Variants in C8orf34 observed in about 807,000 individuals in gnomAD.
C8orf34 encodes the protein uncharacterized protein C8orf34.
Under a neutral mutation model 68.3 loss-of-function variants are expected in C8orf34, and 65 were observed. That is an observed-to-expected ratio of 0.95 (90% CI 0.78 to 1.17). The LOEUF (loss-of-function observed/expected upper bound fraction) is 1.17, where lower values mean the gene tolerates loss of function less well. Ranked by LOEUF, C8orf34 falls within the 50% of genes most tolerant of loss-of-function variation. The pLI is 0.00. For missense variants in C8orf34, 664 were observed against 655.4 expected (o/e 1.01, Z -0.14); for synonymous variants, 244 against 241.2 (o/e 1.01, Z -0.11).
chr8:68,411,278 T>G (rs1294640820), intron 1 of C8orf34, among the ~76,000 whole-genome samples: 1 of 152,332 alleles, frequency 6.6e-6, no homozygotes, highest in Non-Finnish European at 1.5e-5. Context: ...CTAAGTAGTA[T>G]TTCTGGTCTT....
chr8:68,433,236 A>C (rs1213031122), intron 1 of C8orf34, among the ~76,000 whole-genome samples: 2 of 152,178 alleles, frequency 1.3e-5, no homozygotes, highest in Non-Finnish European at 2.9e-5. Context: ...ATTTAGAGTA[A>C]ATAAATTCAG....
chr8:68,399,971 T>C (rs1042132740), intron 1 of C8orf34, among the ~76,000 whole-genome samples: 1 of 152,182 alleles, frequency 6.6e-6, no homozygotes, highest in African/African-American at 2.4e-5. Context: ...TTGAAAAATG[T>C]ATATTCATGT....
intron 8 of C8orf34, among the ~76,000 whole-genome samples, chr8:68,647,385 A>C (rs553459121): frequency 6.6e-6 from 1 of 152,332 alleles, no homozygotes; most frequent in Non-Finnish European, 1.5e-5. Context: ...AAAAGCGTGG[A>C]GTTTCTGTAG....
chr8:68,534,641 G>A (rs749748628), intron 7 of C8orf34: 1 of 985,542 alleles, frequency 1.0e-6, no homozygotes, highest in Non-Finnish European at 1.2e-6. Flanking sequence ...AGCAGGTGGG[G>A]TGTGGTCATT....
At chr8:68,346,471 T>G (rs1466207832) in intron 1 of C8orf34, among the ~76,000 whole-genome samples, 14 of 152,068 alleles carry the variant, frequency 9.2e-5, no homozygotes, top group African/African-American at 3.4e-4. Context: ...AGTCTGTAGT[T>G]TACAGTAGGG....
At chr8:68,450,932 A>T (rs371193500) in intron 3 of C8orf34, among the ~76,000 whole-genome samples, 39 of 152,258 alleles carry the variant, frequency 2.6e-4, no homozygotes, top group African/African-American at 8.9e-4. Context: ...CTCTCTAGCT[A>T]TGAAAGTCCT....
At chr8:68,453,610 A>G (rs1368196249) in intron 3 of C8orf34, among the ~76,000 whole-genome samples, 2 of 151,872 alleles carry the variant, frequency 1.3e-5, no homozygotes, top group East Asian at 3.9e-4. Flanking sequence ...TGATTTTTGT[A>G]TTTTGATTTT....
At chr8:68,349,257 G>C (rs1806408591) in intron 1 of C8orf34, among the ~76,000 whole-genome samples, 1 of 151,964 alleles carries the variant, frequency 6.6e-6, no homozygotes, top group South Asian at 2.1e-4. Flanking sequence ...CTTTAGTTCT[G>C]TTTATGTGAT....
intron 8 of C8orf34, among the ~76,000 whole-genome samples, chr8:68,701,084 C>CAGTGAAATATAATATCATAATATTCTA (rs1821002882): frequency 6.6e-6 from 1 of 151,976 alleles, no homozygotes; most frequent in Non-Finnish European, 1.5e-5. Context: ...ATTTATTTTG[C>CAGTGAAATATAATATCATAATATTCTA]AGTGAAATAT....
intron 7 of C8orf34, among the ~76,000 whole-genome samples, chr8:68,632,349 T>C (rs1389950767): frequency 6.6e-6 from 1 of 152,126 alleles, no homozygotes; most frequent in Non-Finnish European, 1.5e-5. Context: ...CAGCAAAGCA[T>C]TCAAGAAGTG....
chr8:68,416,815 T>C (rs1809691240), intron 1 of C8orf34, among the ~76,000 whole-genome samples: 1 of 152,078 alleles, frequency 6.6e-6, no homozygotes, highest in Non-Finnish European at 1.5e-5. Flanking sequence ...ACAGGCATGA[T>C]GCATCATGCC....
At chr8:68,776,480 C>A (rs1393228445) in intron 11 of C8orf34, 31 bp downstream of exon 11, 1 of 1,567,008 alleles carries the variant, frequency 6.4e-7, no homozygotes, top group Non-Finnish European at 8.8e-7. Context: ...ATAATGTAGT[C>A]TGAAATCAGT....
intron 7 of C8orf34, among the ~76,000 whole-genome samples, chr8:68,592,901 C>T: frequency 6.6e-6 from 1 of 151,952 alleles, no homozygotes; most frequent in South Asian, 2.1e-4. Flanking sequence ...TTAATCCTTC[C>T]ATCTTTTGTT....
Position 68,592,330 on chromosome 8 carries a change from C to T in C8orf34, c.1106-48046C>T, listed in dbSNP as rs376187645. Among the ~76,000 whole-genome samples, 11 of 152,070 alleles carry T rather than the reference C, an allele frequency of 7.2e-5. No homozygotes were observed. The East Asian group carries it at 9.7e-4, about 13-fold the overall frequency. On this transcript the variant is annotated intron_variant, in intron 7 of 13. Transcript: ENST00000518698. ...ATGTATAACTTTTAATGACTTCTTA[C>T]ATGTTTCTTCATAAAGATCTTGGGC...
At chr8:68,513,123 A>G (rs1814351234) in intron 5 of C8orf34, among the ~76,000 whole-genome samples, 1 of 152,208 alleles carries the variant, frequency 6.6e-6, no homozygotes, top group African/African-American at 2.4e-5. Flanking sequence ...CCTACGTTAC[A>G]TTTTAATGAT....
At chr8:68,624,052 C>G (rs1273537748) in intron 7 of C8orf34, among the ~76,000 whole-genome samples, 1 of 152,032 alleles carries the variant, frequency 6.6e-6, no homozygotes, top group Non-Finnish European at 1.5e-5. Context: ...GCAGGTGGAT[C>G]ACGAGGTCAG....
intron 1 of C8orf34, among the ~76,000 whole-genome samples, chr8:68,429,237 A>G (rs1810352217): frequency 6.6e-6 from 1 of 152,178 alleles, no homozygotes. Context: ...GAAAAATGGC[A>G]AATAAATTTA....
chr8:68,750,683 A>G (rs552606167), intron 10 of C8orf34, among the ~76,000 whole-genome samples: 41 of 152,326 alleles, frequency 2.7e-4, no homozygotes, highest in African/African-American at 9.9e-4. Flanking sequence ...CCACATGAAT[A>G]GAGATTAATT....
At chr8:68,331,495 G>T (rs1178555615) in intron 1 of C8orf34, 156 bp downstream of exon 1, 4 of 834,178 alleles carry the variant, frequency 4.8e-6, no homozygotes, top group Non-Finnish European at 7.7e-6. Flanking sequence ...CATTCGCTCT[G>T]TCCCGGCCAG....
Sources: allele counts gnomAD v4.1 joint callset (sites outside exome capture counted in the v4.1 genomes callset), GRCh38; gene constraint gnomAD v4.1.1; transcripts MANE v1.5; gene names NCBI Gene and HGNC (gene_info 2026-07-23, HGNC 2026-07-21).